The following ATP10B variants were observed in gnomAD, a reference collection of about 807,000 sequenced individuals.
The protein encoded by ATP10B is ATPase phospholipid transporting 10B (putative).
Under a neutral mutation model 141.2 loss-of-function variants are expected in ATP10B, and 122 were observed. The observed-to-expected ratio is 0.86, with a 90% CI of 0.75 to 1.00. The LOEUF (loss-of-function observed/expected upper bound fraction) is 1.00, where lower values mean the gene tolerates loss of function less well. Ranked by LOEUF, ATP10B falls within the 50% of genes least tolerant of loss-of-function variation. The pLI is 0.00. For synonymous variants in ATP10B, 685 were observed against 692.0 expected, an observed-to-expected ratio of 0.99 and a Z score of 0.16; for missense variants, 1,876 against 1,825.3, an observed-to-expected ratio of 1.03 and a Z score of -0.51.
intron 21 of ATP10B, among the ~76,000 whole-genome samples, chr5:160,600,158 A>G (rs944718564): frequency 6.6e-6 from 1 of 152,184 alleles, no homozygotes; most frequent in African/African-American, 2.4e-5. Context: ...TAATATTGCT[A>G]TAGTAGTACT....
chr5:160,653,979 TATATAA>T lies in ATP10B; in HGVS notation c.676-4729_676-4724del, dbSNP rs372835417. Among the ~76,000 whole-genome samples the T allele has an allele frequency of 3.5e-3, 16 of 4,540 alleles. No homozygotes were observed. In the South Asian group the frequency reaches 0.045, roughly 13 times the overall value. 3.0% of individuals were successfully genotyped at this position (4,540 alleles called of 152,430 possible). Reference sequence around the variant, plus strand: ...TATATGTTGTATATACGTATATACATATATAAATATATGTTGTATATACGTATATAC... The same window carrying T: ...TATATGTTGTATATACGTATATACATATATATGTTGTATATACGTATATAC... On this transcript the variant is annotated intron_variant, in intron 7 of 25. Transcript: ENST00000327245.
chr5:160,649,396 T>C (rs1760541930), intron 7 of ATP10B, 140 bp from the exon 8 acceptor site: 4 of 633,516 alleles, frequency 6.3e-6, no homozygotes, highest in Non-Finnish European at 1.1e-5. Flanking sequence ...TTGTAATGTG[T>C]CAGAAAAAAA....
chr5:160,675,385 G>T (rs1199388251), intron 6 of ATP10B, among the ~76,000 whole-genome samples: 2 of 152,310 alleles, frequency 1.3e-5, no homozygotes, highest in South Asian at 2.1e-4. Flanking sequence ...ATGGCTTTCT[G>T]AGAGGAGATA....
chr5:160,874,137 C>T, the ATP10B span, among the ~76,000 whole-genome samples: 2 of 152,236 alleles, frequency 1.3e-5, no homozygotes, highest in Non-Finnish European at 2.9e-5. Context: ...ATGTCCCTGT[C>T]TGACAGCTTT....
intron 1 of ATP10B, among the ~76,000 whole-genome samples, chr5:160,851,466 A>G (rs1034124644): frequency 6.6e-6 from 1 of 152,146 alleles, no homozygotes; most frequent in African/African-American, 2.4e-5. Flanking sequence ...AGGAAAGTCA[A>G]GCTTCCCACC....
intron 19 of ATP10B, 75 bp downstream of exon 19, chr5:160,606,690 C>T: frequency 2.7e-6 from 4 of 1,461,528 alleles, no homozygotes; most frequent in Non-Finnish European, 2.8e-6. Flanking sequence ...TGAGACCTGA[C>T]CTCCCACCTC....
At chr5:160,601,155 G>A (rs1757080122) in intron 21 of ATP10B, among the ~76,000 whole-genome samples, 1 of 152,164 alleles carries the variant, frequency 6.6e-6, no homozygotes, top group South Asian at 2.1e-4. Context: ...GCGTAGACTT[G>A]CTGAGATAAT....
At chr5:160,776,275 G>C (rs1435652180) in intron 2 of ATP10B, among the ~76,000 whole-genome samples, 3 of 152,194 alleles carry the variant, frequency 2.0e-5, no homozygotes, top group Non-Finnish European at 2.9e-5. Flanking sequence ...GATGACCTAA[G>C]TTCGAGTCCC....
intron 5 of ATP10B, chr5:160,687,035 T>A: frequency 1.3e-6 from 1 of 790,502 alleles, no homozygotes; most frequent in Non-Finnish European, 1.5e-6. Flanking sequence ...GCAGGAACAT[T>A]CTGCTGACTT....
chr5:160,744,801 T>C (rs771649595), intron 2 of ATP10B, among the ~76,000 whole-genome samples: 8 of 152,214 alleles, frequency 5.3e-5, no homozygotes, highest in Non-Finnish European at 8.8e-5. Context: ...TCTCCGTAGA[T>C]AGTAAATGCA....
In ATP10B at chr5:160,637,586, C is replaced by T. The variant is rs77798626; in HGVS notation, c.1001-1277G>A. On this transcript the variant is annotated intron_variant, in intron 10 of 25. Coordinates refer to ENST00000327245, the MANE Select transcript of ATP10B (RefSeq NM_025153.3). ...GTTTCCTTATCTGCAAAGGAGATAA[C>T]AACACGCATTATCTGAGGATTATGT... Among the ~76,000 whole-genome samples the T allele has an allele frequency of 5.9e-3, 899 of 152,316 alleles. 16 individuals are homozygous for T. The highest frequency in any genetic ancestry group is 0.021 in the African/African-American group (859 of 41,566).
chr5:160,861,705 TC>T, the ATP10B span, among the ~76,000 whole-genome samples: 1 of 151,912 alleles, frequency 6.6e-6, no homozygotes, highest in Non-Finnish European at 1.5e-5. Flanking sequence ...GGTAATATAA[TC>T]CCTCTATTTG....
intron 22 of ATP10B, among the ~76,000 whole-genome samples, chr5:160,596,983 G>T (rs1304274940): frequency 6.6e-6 from 1 of 152,154 alleles, no homozygotes; most frequent in Admixed American, 6.5e-5. Flanking sequence ...GTAATTTATA[G>T]ATTCAATGCC....
intron 1 of ATP10B, among the ~76,000 whole-genome samples, chr5:160,822,561 C>G (rs1774190661): frequency 6.6e-6 from 1 of 152,108 alleles, no homozygotes; most frequent in Non-Finnish European, 1.5e-5. Context: ...ATCTACACTA[C>G]CATGTTTGTT....
chr5:160,660,591 C>G (rs367937739), intron 7 of ATP10B, among the ~76,000 whole-genome samples: 1 of 152,172 alleles, frequency 6.6e-6, no homozygotes, highest in African/African-American at 2.4e-5. Flanking sequence ...CAATACTTCA[C>G]GAAGGGAAAT....
chr5:160,892,363 G>A, the ATP10B span, among the ~76,000 whole-genome samples: 1 of 152,220 alleles, frequency 6.6e-6, no homozygotes, highest in Non-Finnish European at 1.5e-5. Flanking sequence ...CTGATGAACG[G>A]CCTTGAACTA....
chr5:160,580,856 G>A (rs1187701375), intron 24 of ATP10B, among the ~76,000 whole-genome samples: 1 of 152,158 alleles, frequency 6.6e-6, no homozygotes, highest in Non-Finnish European at 1.5e-5. Context: ...GGTCTGTTCA[G>A]GGGTTTGACT....
At chr5:160,570,955 G>A (rs1581130397) in intron 24 of ATP10B, among the ~76,000 whole-genome samples, 3 of 152,096 alleles carry the variant, frequency 2.0e-5, no homozygotes. Context: ...ATCTCCACTT[G>A]TTCTTCCTTA....
chr5:160,913,472 A>G, the ATP10B span, among the ~76,000 whole-genome samples: 1 of 152,144 alleles, frequency 6.6e-6, no homozygotes, highest in African/African-American at 2.4e-5. Flanking sequence ...AAAATAAAAC[A>G]TCATATTCAT....
Sources: gnomAD v4.1 joint callset for allele counts (sites outside exome capture counted in the v4.1 genomes callset) on GRCh38, gnomAD v4.1.1 for gene constraint, MANE v1.5 for transcripts, NCBI Gene and HGNC (gene_info 2026-07-23, HGNC 2026-07-21) for gene names.